The following PALM2AKAP2 variants were observed in gnomAD, a reference collection of about 807,000 sequenced individuals.
PALM2AKAP2 encodes PALM2 and AKAP2 fusion, also known as PALM2-AKAP2 fusion protein.
A neutral mutation model predicts 71.5 loss-of-function variants in PALM2AKAP2; 37 were observed. That is an observed-to-expected ratio of 0.52 (90% confidence interval 0.40 to 0.68). The LOEUF is 0.68. Among genes scored for constraint, PALM2AKAP2 ranks in the 30% least tolerant of loss-of-function variants. The pLI is 0.00. For missense variants in PALM2AKAP2, 1,224 were observed against 1,191.8 expected (o/e 1.03, Z -0.40); for synonymous variants, 468 against 478.8 (o/e 0.98, Z 0.29).
chr9:109,890,445 C>G (rs1289741688), intron 3 of PALM2AKAP2, among the ~76,000 whole-genome samples: 1 of 152,176 alleles, frequency 6.6e-6, no homozygotes, highest in Admixed American at 6.6e-5. Context: ...ATAAAATATA[C>G]AAACTGTCTC....
At chr9:109,675,130 G>C (rs572133351) in intron 1 of PALM2AKAP2, among the ~76,000 whole-genome samples, 169 of 152,176 alleles carry the variant, frequency 1.1e-3, no homozygotes, top group African/African-American at 3.8e-3. Flanking sequence ...GGTGTATTAA[G>C]TGCATTTTTG....
At chr9:109,747,609 C>G (rs949102446) in intron 1 of PALM2AKAP2, among the ~76,000 whole-genome samples, 1 of 152,012 alleles carries the variant, frequency 6.6e-6, no homozygotes, top group Admixed American at 6.6e-5. Flanking sequence ...AGTTAGAGGC[C>G]AAGAAATATT....
rs1378907365 is a variant in PALM2AKAP2, at chr9:109,794,166, GTTTAC to G, written c.45+13634_45+13638del. ...TGGGCTTACCATGATGAGAGGTTTT[GTTTAC>G]CGAAGCTGGCATGTGAGTTTTGCCG... On this transcript the variant is annotated intron_variant, in intron 1 of 9. Transcript: ENST00000302798. 2.6e-5 allele frequency among the ~76,000 whole-genome samples: 4 copies of G among 152,270 alleles called. No individual in the cohort carries two copies. The East Asian group carries it at 7.7e-4, about 29-fold the overall frequency.
At chr9:109,641,212 G>C (rs1300983266) in intron 1 of PALM2AKAP2, among the ~76,000 whole-genome samples, 1 of 152,216 alleles carries the variant, frequency 6.6e-6, no homozygotes, top group African/African-American at 2.4e-5. Flanking sequence ...CATGACTTCC[G>C]ATTCCTAACC....
intron 1 of PALM2AKAP2, among the ~76,000 whole-genome samples, chr9:110,059,547 A>G (rs370162068): frequency 5.3e-5 from 8 of 152,230 alleles, no homozygotes; most frequent in East Asian, 1.9e-4. Context: ...TGCAATTTCT[A>G]TGCATCATCT....
intron 3 of PALM2AKAP2, among the ~76,000 whole-genome samples, chr9:110,158,495 A>G (rs1338955368): frequency 6.6e-6 from 1 of 152,180 alleles, no homozygotes; most frequent in Non-Finnish European, 1.5e-5. Flanking sequence ...GGGTAGAGGC[A>G]GTTCTCACTC....
chr9:109,956,441 G>A (rs1831749651), intron 6 of PALM2AKAP2, among the ~76,000 whole-genome samples: 1 of 152,208 alleles, frequency 6.6e-6, no homozygotes, highest in African/African-American at 2.4e-5. Flanking sequence ...CAGACAACCT[G>A]AAAGTGAGAT....
chr9:109,826,174 G>T lies in PALM2AKAP2; in HGVS notation c.46-41317G>T, dbSNP rs766656679. On this transcript the variant is annotated intron_variant, in intron 1 of 9. Coordinates refer to the PALM2AKAP2 transcript ENST00000302798. ...GTGGGAATTGAACAATGAGAACACA[G>T]GGACACAGGAAGGGGAACATCACAC... 3.1e-3 allele frequency among the ~76,000 whole-genome samples: 472 copies of T among 151,526 alleles called. 4 individuals carry two copies. The highest frequency in any genetic ancestry group is 0.012 in the Admixed American group (176 of 15,184).
At chr9:109,760,657 C>G (rs530032537) in intron 1 of PALM2AKAP2, 2 of 152,318 alleles carry the variant, frequency 1.3e-5, no homozygotes, top group Non-Finnish European at 2.9e-5. Context: ...GCTGTCAGCT[C>G]TGGAAGGAAG....
At chr9:109,794,423 C>G (rs1218098186) in intron 1 of PALM2AKAP2, among the ~76,000 whole-genome samples, 1 of 139,218 alleles carries the variant, frequency 7.2e-6, no homozygotes, top group East Asian at 2.1e-4. Flanking sequence ...TTTTTTTGCT[C>G]CCTGGATTTT....
chr9:109,694,520 G>A (rs1357685815), intron 1 of PALM2AKAP2, among the ~76,000 whole-genome samples: 1 of 151,884 alleles, frequency 6.6e-6, no homozygotes, highest in Non-Finnish European at 1.5e-5. Flanking sequence ...AAATGTTTAA[G>A]ATCTACATGA....
At chr9:109,939,646 T>G (rs1246576684) in intron 6 of PALM2AKAP2, among the ~76,000 whole-genome samples, 1 of 152,242 alleles carries the variant, frequency 6.6e-6, no homozygotes, top group Non-Finnish European at 1.5e-5. Context: ...CTTTTTAAAA[T>G]AAGTGTTATA....
chr9:109,960,712 T>C (rs1267382741), intron 6 of PALM2AKAP2, among the ~76,000 whole-genome samples: 1 of 151,912 alleles, frequency 6.6e-6, no homozygotes, highest in Non-Finnish European at 1.5e-5. Flanking sequence ...GAAAAGGAAA[T>C]TGTAGTTTTA....
At chr9:110,127,261 T>G (rs1378287846) in intron 1 of PALM2AKAP2, among the ~76,000 whole-genome samples, 1 of 152,018 alleles carries the variant, frequency 6.6e-6, no homozygotes, top group Non-Finnish European at 1.5e-5. Context: ...CAAGAAGTGT[T>G]TTTAGTATCT....
intron 1 of PALM2AKAP2, among the ~76,000 whole-genome samples, chr9:109,759,363 A>T (rs1446919257): frequency 6.6e-6 from 1 of 152,152 alleles, no homozygotes; most frequent in African/African-American, 2.4e-5. Context: ...GTAAAAATTA[A>T]TCAATTCCAG....
At chr9:110,137,444 G>T in exon 2 of PALM2AKAP2, 1 of 1,614,126 alleles carries the variant, frequency 6.2e-7, no homozygotes, top group Non-Finnish European at 8.5e-7. Flanking sequence ...CCCATCGGCA[G>T]CAGGAAGCCA....
intron 2 of PALM2AKAP2, among the ~76,000 whole-genome samples, chr9:110,150,012 C>A (rs983070498): frequency 6.6e-6 from 1 of 152,152 alleles, no homozygotes; most frequent in African/African-American, 2.4e-5. Flanking sequence ...GAAGTCTTAA[C>A]CCTCAGTGTG....
chr9:109,896,643 T>C (rs1181094783), intron 3 of PALM2AKAP2, among the ~76,000 whole-genome samples: 2 of 152,032 alleles, frequency 1.3e-5, no homozygotes, highest in Non-Finnish European at 2.9e-5. Context: ...AGACCTCATC[T>C]CTACAAAAAA....
intron 6 of PALM2AKAP2, among the ~76,000 whole-genome samples, chr9:109,970,709 TTAGGATA>T (rs368012193): frequency 5.9e-5 from 9 of 152,346 alleles, no homozygotes; most frequent in African/African-American, 2.2e-4. Context: ...ATCTGTCCAA[TTAGGATA>T]GTAGTACTAT....
Sources: allele counts gnomAD v4.1 joint callset (sites outside exome capture counted in the v4.1 genomes callset), GRCh38; gene constraint gnomAD v4.1.1; transcripts MANE v1.5; gene names NCBI Gene and HGNC (gene_info 2026-07-23, HGNC 2026-07-21).